SAMMSON: variants seen among roughly 807,000 people sequenced by gnomAD.
SAMMSON encodes the protein survival associated mitochondrial melanoma specific oncogenic non-coding RNA, also known as long intergenic non-protein coding RNA 1212.
At chr3:70,393,156 T>A (rs1389024677), downstream of SAMMSON, among the ~76,000 whole-genome samples, 2 of 152,228 alleles carry the variant, frequency 1.3e-5, no homozygotes, top group African/African-American at 4.8e-5. Context: ...GCCTTTACTA[T>A]AATATTTTGT....
intron 4 of SAMMSON, among the ~76,000 whole-genome samples, chr3:70,147,454 T>C (rs903341070): frequency 1.3e-5 from 2 of 152,032 alleles, no homozygotes; most frequent in African/African-American, 4.8e-5. Context: ...TGTGTGTTAT[T>C]GTCAAGGGAT....
intron 2 of SAMMSON, among the ~76,000 whole-genome samples, chr3:70,414,415 A>G (rs368940186): frequency 2.0e-5 from 3 of 152,298 alleles, no homozygotes; most frequent in African/African-American, 7.2e-5. Flanking sequence ...GTATGTTTTC[A>G]TAAATAACCA....
intron 1 of SAMMSON, chr3:70,009,223 C>A (rs1466317722): frequency 6.6e-5 from 10 of 152,106 alleles, no homozygotes; most frequent in Admixed American, 5.9e-4. Context: ...GGTACCAGCT[C>A]CTCCTTGTAC....
At chr3:70,199,346 C>T (rs1252119276) in intron 4 of SAMMSON, among the ~76,000 whole-genome samples, 1 of 151,988 alleles carries the variant, frequency 6.6e-6, no homozygotes, top group East Asian at 1.9e-4. Flanking sequence ...GAGGTCTCCT[C>T]TTCTAATGTA....
intron 6 of SAMMSON, among the ~76,000 whole-genome samples, chr3:70,288,745 G>A (rs948743847): frequency 4.6e-5 from 7 of 151,910 alleles, no homozygotes; most frequent in Non-Finnish European, 1.0e-4. Context: ...AGGTGCTCCT[G>A]TGTTGGGTGC....
intron 2 of SAMMSON, among the ~76,000 whole-genome samples, chr3:70,400,290 G>A (rs957139302): frequency 6.6e-6 from 1 of 152,186 alleles, no homozygotes; most frequent in Non-Finnish European, 1.5e-5. Context: ...ATGGGGCCTA[G>A]TGGGAGGTGT....
intron 4 of SAMMSON, among the ~76,000 whole-genome samples, chr3:70,087,902 G>A (rs1294378346): frequency 6.6e-6 from 1 of 152,254 alleles, no homozygotes; most frequent in South Asian, 2.1e-4. Flanking sequence ...GTATGGATGA[G>A]TTATTAAAGA....
chr3:70,390,776 A>AT (rs1040027100), downstream of SAMMSON, among the ~76,000 whole-genome samples: 7 of 152,200 alleles, frequency 4.6e-5, no homozygotes, highest in African/African-American at 9.6e-5. Flanking sequence ...AATAAATACA[A>AT]TTTTTTTCAC....
At chr3:70,251,181 T>G (rs1306904165) in intron 6 of SAMMSON, among the ~76,000 whole-genome samples, 2 of 152,236 alleles carry the variant, frequency 1.3e-5, no homozygotes, top group Non-Finnish European at 2.9e-5. Context: ...CCCACATCTT[T>G]GGAGACAGAG....
At chr3:70,091,551 T>TAA (rs1309923316) in intron 4 of SAMMSON, among the ~76,000 whole-genome samples, 2 of 152,210 alleles carry the variant, frequency 1.3e-5, no homozygotes, top group Non-Finnish European at 2.9e-5. Flanking sequence ...ACTGATTTTA[T>TAA]AAAATCCTGC....
intron 4 of SAMMSON, chr3:70,075,313 G>A (rs1322544394): frequency 1.3e-5 from 2 of 152,064 alleles, no homozygotes; most frequent in African/African-American, 4.8e-5. Flanking sequence ...TGTTTTCCCA[G>A]TCTTCATATC....
chr3:70,200,062 C>G (rs1307706922), intron 4 of SAMMSON, among the ~76,000 whole-genome samples: 2 of 152,144 alleles, frequency 1.3e-5, no homozygotes, highest in Non-Finnish European at 2.9e-5. Context: ...TTTTCCTCAT[C>G]ATACCTTCCC....
intron 7 of SAMMSON, among the ~76,000 whole-genome samples, chr3:70,336,459 A>G (rs1382041287): frequency 1.3e-5 from 2 of 152,028 alleles, no homozygotes; most frequent in Non-Finnish European, 2.9e-5. Context: ...ATTTCCGTGT[A>G]ACACAGAGTT....
chr3:70,049,014 T>A (rs888903691), intron 3 of SAMMSON, among the ~76,000 whole-genome samples: 1 of 152,118 alleles, frequency 6.6e-6, no homozygotes, highest in Admixed American at 6.6e-5. Flanking sequence ...GCACTGAGAA[T>A]TTCATTTTGC....
At chr3:70,432,094 C>T (rs1485859073) in intron 2 of SAMMSON, among the ~76,000 whole-genome samples, 1 of 151,968 alleles carries the variant, frequency 6.6e-6, no homozygotes. Context: ...ATTGCTTGGT[C>T]ATCAGCTGAG....
At chr3:70,030,723 G>A (rs1307099411) in intron 3 of SAMMSON, 1 of 152,028 alleles carries the variant, frequency 6.6e-6, no homozygotes, top group Admixed American at 6.6e-5. Flanking sequence ...TTCAAAAATG[G>A]GCAAAGGACG....
At chr3:70,203,626 G>A (rs900757861) in intron 4 of SAMMSON, among the ~76,000 whole-genome samples, 6 of 152,042 alleles carry the variant, frequency 3.9e-5, no homozygotes, top group African/African-American at 1.4e-4. Context: ...GGTGACACTG[G>A]TGCATTTAAT....
chr3:70,307,313 C>T (rs9831895), intron 7 of SAMMSON, among the ~76,000 whole-genome samples: 46,684 of 151,688 alleles, frequency 0.31, 7,424 homozygotes, highest in East Asian at 0.43. Flanking sequence ...TATAAGAAAT[C>T]GTGTGCACTT....
intron 7 of SAMMSON, among the ~76,000 whole-genome samples, chr3:70,294,669 A>G (rs1437310758): frequency 6.6e-6 from 1 of 152,174 alleles, no homozygotes; most frequent in Non-Finnish European, 1.5e-5. Context: ...AAAGTAATTT[A>G]TGACTCATAT....
Sources: allele counts gnomAD v4.1 joint callset (sites outside exome capture counted in the v4.1 genomes callset), GRCh38; gene constraint gnomAD v4.1.1; transcripts MANE v1.5; gene names NCBI Gene and HGNC (gene_info 2026-07-23, HGNC 2026-07-21).